The following PHF20 variants were observed in gnomAD, a reference collection of about 807,000 sequenced individuals.
PHF20 encodes the protein glioma-expressed antigen 2.
Under a neutral mutation model 113.5 loss-of-function variants are expected in PHF20, and 23 were observed. The ratio of observed to expected loss-of-function variants is 0.20; its 90% CI spans 0.15 to 0.29. The LOEUF (loss-of-function observed/expected upper bound fraction) is 0.29, where lower values mean the gene tolerates loss of function less well. Ranked by LOEUF, PHF20 falls within the 10% of genes least tolerant of loss-of-function variation. PHF20 has a pLI of 1.00. For missense variants in PHF20, 943 were observed against 1,219.6 expected (o/e 0.77, Z 3.38); for synonymous variants, 434 against 457.3 (o/e 0.95, Z 0.65).
At chr20:35,822,701 G>A (rs573221819) in intron 2 of PHF20, among the ~76,000 whole-genome samples, 211 of 151,016 alleles carry the variant, frequency 1.4e-3, no homozygotes, top group Non-Finnish European at 2.6e-3. Context: ...TGGGGTAGGG[G>A]GTGGCTTGCA....
intron 17 of PHF20, among the ~76,000 whole-genome samples, chr20:35,943,652 G>A (rs958459726): frequency 5.9e-5 from 9 of 151,508 alleles, no homozygotes; most frequent in Admixed American, 3.3e-4. Context: ...ACGGAGTCTC[G>A]GTCTGTTGCC....
chr20:35,931,450 T>C lies in PHF20; in HGVS notation c.2300+6T>C. ...CTCAAGATGAGCATCTTGCAGTAAG[T>C]GTGGCACCTGCAGTGCTGGGAGCAG... On this transcript the variant is annotated splice_donor_region_variant and intron_variant, in intron 15 of 17. Transcript: ENST00000374012. 6.2e-7 allele frequency: 1 copy of C among 1,605,316 alleles called. No homozygotes were observed. Among genetic ancestry groups the C allele is most frequent in the Non-Finnish European group, 8.5e-7 (1 of 1,173,910 alleles).
chr20:35,784,731 T>C (rs1461562170), intron 1 of PHF20, among the ~76,000 whole-genome samples: 1 of 152,034 alleles, frequency 6.6e-6, no homozygotes, highest in African/African-American at 2.4e-5. Flanking sequence ...GCCACTGCAC[T>C]CAGTCCCTTG....
intron 1 of PHF20, among the ~76,000 whole-genome samples, chr20:35,786,972 T>C (rs2041431438): frequency 6.6e-6 from 1 of 151,350 alleles, no homozygotes; most frequent in South Asian, 2.1e-4. Context: ...AGGTGGATGA[T>C]ATTGATCTCT....
intron 2 of PHF20, among the ~76,000 whole-genome samples, chr20:35,817,613 A>G (rs2042099467): frequency 6.6e-6 from 1 of 152,020 alleles, no homozygotes; most frequent in Non-Finnish European, 1.5e-5. Flanking sequence ...TGGGGGCAAC[A>G]TGGCAAAAAC....
intron 9 of PHF20, among the ~76,000 whole-genome samples, chr20:35,873,570 G>T (rs915714993): frequency 2.7e-5 from 4 of 150,546 alleles, no homozygotes; most frequent in Non-Finnish European, 5.9e-5. Context: ...CCGGGTTGAA[G>T]CGATTCATCT....
At chr20:35,927,687 C>T (rs1358388524) in intron 13 of PHF20, 93 bp from the exon 14 acceptor site, 2 of 925,716 alleles carry the variant, frequency 2.2e-6, no homozygotes, top group East Asian at 2.4e-5. Flanking sequence ...CTCCTTCTAT[C>T]CTCCCATGCC....
At chr20:35,946,351 T>C (rs893802491) in intron 17 of PHF20, among the ~76,000 whole-genome samples, 1 of 152,094 alleles carries the variant, frequency 6.6e-6, no homozygotes, top group African/African-American at 2.4e-5. Context: ...GGAGAATCGC[T>C]TGAACCTAGG....
intron 2 of PHF20, among the ~76,000 whole-genome samples, chr20:35,819,780 A>G (rs1423053174): frequency 6.6e-6 from 1 of 152,114 alleles, no homozygotes; most frequent in Non-Finnish European, 1.5e-5. Flanking sequence ...GTACTTCAAG[A>G]TGTTCAGAGA....
chr20:35,836,362 A>T (rs1338327102), intron 2 of PHF20, among the ~76,000 whole-genome samples: 2 of 152,062 alleles, frequency 1.3e-5, no homozygotes, highest in African/African-American at 4.8e-5. Context: ...GTATCATAAG[A>T]TATGCACTAT....
intron 1 of PHF20, among the ~76,000 whole-genome samples, chr20:35,772,307 G>C (rs1480187713): frequency 6.6e-6 from 1 of 151,698 alleles, no homozygotes; most frequent in Admixed American, 6.6e-5. Flanking sequence ...GGGGCTACCC[G>C]CAAGAGTGGC....
At chr20:35,936,367 G>C (rs1176488006) in intron 15 of PHF20, among the ~76,000 whole-genome samples, 1 of 152,146 alleles carries the variant, frequency 6.6e-6, no homozygotes, top group Non-Finnish European at 1.5e-5. Context: ...TGGAGTGGGA[G>C]AGCTGAGACG....
intron 2 of PHF20, among the ~76,000 whole-genome samples, chr20:35,813,628 G>T (rs2042014640): frequency 2.0e-5 from 3 of 152,136 alleles, no homozygotes; most frequent in Admixed American, 2.0e-4. Flanking sequence ...GGGAGGCCTA[G>T]GCAGGTGGAT....
intron 1 of PHF20, among the ~76,000 whole-genome samples, chr20:35,793,525 C>T (rs1244822398): frequency 6.7e-6 from 1 of 149,984 alleles, no homozygotes; most frequent in Non-Finnish European, 1.5e-5. Context: ...GTCTCGAACT[C>T]CTGACCTCAG....
At chr20:35,868,962 G>A (rs1393604274) in intron 6 of PHF20, among the ~76,000 whole-genome samples, 1 of 151,924 alleles carries the variant, frequency 6.6e-6, no homozygotes, top group African/African-American at 2.4e-5. Flanking sequence ...GTGGTGTCGG[G>A]TGCCTGTAAT....
At chr20:35,921,842 G>A (rs2055523197) in intron 13 of PHF20, among the ~76,000 whole-genome samples, 1 of 152,100 alleles carries the variant, frequency 6.6e-6, no homozygotes, top group Non-Finnish European at 1.5e-5. Flanking sequence ...TCCAGGCCTT[G>A]TTAGTCTGAC....
At chr20:35,774,033 G>T (rs2041120519) in intron 1 of PHF20, among the ~76,000 whole-genome samples, 1 of 151,460 alleles carries the variant, frequency 6.6e-6, no homozygotes, top group African/African-American at 2.4e-5. Flanking sequence ...TGTCCCTGGG[G>T]TGTCGGTGGG....
At chr20:35,933,134 T>C (rs944186117) in intron 15 of PHF20, among the ~76,000 whole-genome samples, 3 of 151,374 alleles carry the variant, frequency 2.0e-5, no homozygotes, top group African/African-American at 7.3e-5. Flanking sequence ...AGAGATGGAG[T>C]CTTGCTTTAT....
intron 2 of PHF20, among the ~76,000 whole-genome samples, chr20:35,803,327 A>ATT (rs1416376376): frequency 7.7e-6 from 1 of 130,714 alleles, no homozygotes. Flanking sequence ...TTTTTGGGCT[A>ATT]TTTTTTTTTT....
Sources: gnomAD v4.1 joint callset for allele counts (sites outside exome capture counted in the v4.1 genomes callset) on GRCh38, gnomAD v4.1.1 for gene constraint, MANE v1.5 for transcripts, NCBI Gene and HGNC (gene_info 2026-07-23, HGNC 2026-07-21) for gene names.